LRP1B: variants seen among roughly 807,000 people sequenced by gnomAD.
LRP1B encodes low-density lipoprotein receptor-related protein 1B.
In LRP1B, 217 loss-of-function variants were observed where a neutral mutation model predicts 556.6. That is an observed-to-expected ratio of 0.39 (90% CI 0.35 to 0.44). LRP1B has a LOEUF of 0.44. LRP1B is among the 20% of genes least tolerant of loss of function. LRP1B has a pLI of 1.00. For missense variants in LRP1B, 5,053 were observed against 5,620.8 expected, an observed-to-expected ratio of 0.90 and a Z score of 3.23; for synonymous variants, 2,047 against 1,865.8, an observed-to-expected ratio of 1.10 and a Z score of -2.50.
intron 5 of LRP1B, among the ~76,000 whole-genome samples, chr2:141,230,261 A>C (rs1683409309): frequency 6.6e-6 from 1 of 152,200 alleles, no homozygotes; most frequent in Admixed American, 6.5e-5. Context: ...GAAATCTTTA[A>C]TTCATCTGTA....
At position 140,716,695 on chromosome 2, in the gene LRP1B, A is replaced by T. The variant is rs768108715; in HGVS notation, c.5880T>A (p.Val1960=). 11 of 1,609,920 alleles carry T rather than the reference A, an allele frequency of 6.8e-6. No individual in the cohort carries two copies. In the South Asian group the frequency reaches 1.2e-4, roughly 18 times the overall value. ...CATGGATTATACCAGCAATCCAGTC[A>T]ACAGCTATCCCTTCCACTCTTCCCA... ...NGLGRVEGIA[V]DWIAGNIYWT... The change falls in exon 36 of 91, where the codon GTT becomes GTA. Residue 1960 remains valine, a synonymous_variant. Coordinates refer to ENST00000389484, the MANE Select transcript of LRP1B (RefSeq NM_018557.3).
chr2:140,799,490 T>C (rs1690429724), intron 32 of LRP1B, among the ~76,000 whole-genome samples: 1 of 152,224 alleles, frequency 6.6e-6, no homozygotes, highest in South Asian at 2.1e-4. Flanking sequence ...ACCCAGTTTA[T>C]GGTACTTCGT....
chr2:140,601,424 A>T lies in LRP1B; in HGVS notation c.6989+26T>A, dbSNP rs116405742. ...TTCTTTTGACTTATAACTATAATGA[A>T]GAAATAAAACTACACTGTTTCTTAC... On this transcript the variant is annotated intron_variant, in intron 42 of 90. Transcript: ENST00000389484. The T allele has an allele frequency of 1.1e-3, 1,723 of 1,510,256 alleles. 2 individuals carry two copies. The highest frequency in any genetic ancestry group is 1.4e-3 in the Admixed American group (82 of 56,714). 93.6% of individuals were successfully genotyped at this position (1,510,256 alleles called of 1,614,324 possible).
At chr2:142,053,676 A>G (rs1704553554) in intron 1 of LRP1B, among the ~76,000 whole-genome samples, 1 of 152,144 alleles carries the variant, frequency 6.6e-6, no homozygotes, top group Non-Finnish European at 1.5e-5. Flanking sequence ...GAAAATTCAT[A>G]ATTATGATAA....
chr2:141,247,201 C>A, intron 5 of LRP1B, 25 bp downstream of exon 5: 2 of 1,612,666 alleles, frequency 1.2e-6, no homozygotes, highest in Non-Finnish European at 1.7e-6. Context: ...TCTGGAAAGA[C>A]AAAAAATAAA....
chr2:141,833,135 T>C (rs1041273066), intron 1 of LRP1B, among the ~76,000 whole-genome samples: 12 of 151,742 alleles, frequency 7.9e-5, no homozygotes, highest in African/African-American at 2.7e-4. Context: ...TCTCATGTAA[T>C]TGCAGTTAAA....
intron 1 of LRP1B, among the ~76,000 whole-genome samples, chr2:141,883,648 T>C (rs1007455642): frequency 6.6e-6 from 1 of 152,054 alleles, no homozygotes; most frequent in African/African-American, 2.4e-5. Flanking sequence ...CTCTTGAGCC[T>C]AGGAGATCAA....
chr2:142,040,576 A>G (rs1327994685), intron 1 of LRP1B, among the ~76,000 whole-genome samples: 2 of 151,010 alleles, frequency 1.3e-5, no homozygotes, highest in South Asian at 4.2e-4. Flanking sequence ...TGAAAAGTAC[A>G]CGGTTTTAAA....
At chr2:140,936,076 A>AT (rs1482731701) in intron 20 of LRP1B, among the ~76,000 whole-genome samples, 1 of 151,776 alleles carries the variant, frequency 6.6e-6, no homozygotes, top group Non-Finnish European at 1.5e-5. Context: ...ATGGTGGCTC[A>AT]TGCCTGCAAT....
At chr2:140,778,260 GAC>G (rs1689568413) in intron 32 of LRP1B, among the ~76,000 whole-genome samples, 1 of 152,092 alleles carries the variant, frequency 6.6e-6, no homozygotes, top group African/African-American at 2.4e-5. Flanking sequence ...AAGAATGACT[GAC>G]AGACTATGGC....
intron 1 of LRP1B, among the ~76,000 whole-genome samples, chr2:142,087,927 AT>A (rs1706006575): frequency 1.3e-5 from 2 of 152,100 alleles, no homozygotes; most frequent in South Asian, 2.1e-4. Flanking sequence ...ACATTAATAT[AT>A]TTTTTATCCT....
rs1188245094 is a variant in LRP1B at position 140,442,503 on chromosome 2, C to T, written c.10414+1G>A. On this transcript the variant is annotated splice_donor_variant, in intron 66 of 90. Transcript: ENST00000389484. LOFTEE classifies it high-confidence loss of function. ...TAAGACCCAGAGTCACAGACACTCA[C>T]CGCAGTTGGCCTCGTCTGATGCATC... The T allele has an allele frequency of 6.2e-7, 1 of 1,611,508 alleles. No individual in the cohort carries two copies. The highest frequency in any genetic ancestry group is 8.5e-7 in the Non-Finnish European group (1 of 1,178,932).
At chr2:141,788,096 A>C (rs1255545828) in intron 2 of LRP1B, among the ~76,000 whole-genome samples, 1 of 152,028 alleles carries the variant, frequency 6.6e-6, no homozygotes, top group Non-Finnish European at 1.5e-5. Context: ...CCTTAGACAA[A>C]CACTCTTCAG....
Position 141,391,158 on chromosome 2 carries a change from A to G in LRP1B, c.343+89238T>C, listed in dbSNP as rs557178362. On this transcript the variant is annotated intron_variant, in intron 3 of 90. Coordinates refer to ENST00000389484, the MANE Select transcript of LRP1B (RefSeq NM_018557.3). ...ATTTTAACTTGGATAGTCGTTATAC[A>G]ATGCAGAGGAAAGGACTTACAGCAA... Among the ~76,000 whole-genome samples the G allele has an allele frequency of 9.2e-5, 14 of 152,350 alleles. No individual in the cohort carries two copies. In the South Asian group the frequency reaches 2.7e-3, roughly 29 times the overall value.
At chr2:141,268,592 T>C (rs180900130) in intron 3 of LRP1B, among the ~76,000 whole-genome samples, 1 of 151,978 alleles carries the variant, frequency 6.6e-6, no homozygotes. Context: ...ACCAAAATAA[T>C]GGAAAGCCTC....
At chr2:141,941,161 A>G (rs1014483181) in intron 1 of LRP1B, among the ~76,000 whole-genome samples, 4 of 152,212 alleles carry the variant, frequency 2.6e-5, no homozygotes, top group Non-Finnish European at 5.9e-5. Flanking sequence ...AGGATTCACC[A>G]TTTCAGGACT....
intron 84 of LRP1B, among the ~76,000 whole-genome samples, chr2:140,295,422 C>T (rs1683560293): frequency 6.6e-6 from 1 of 152,108 alleles, no homozygotes; most frequent in Non-Finnish European, 1.5e-5. Context: ...TCCCTCTGTA[C>T]CATCAGAGGC....
chr2:141,982,562 T>C (rs1275889395), intron 1 of LRP1B, among the ~76,000 whole-genome samples: 1 of 152,216 alleles, frequency 6.6e-6, no homozygotes, highest in Admixed American at 6.5e-5. Flanking sequence ...AATTTTGCTC[T>C]ATCTCTGTGA....
At chr2:140,305,369 C>A (rs1334824329) in intron 83 of LRP1B, among the ~76,000 whole-genome samples, 1 of 152,146 alleles carries the variant, frequency 6.6e-6, no homozygotes, top group East Asian at 1.9e-4. Flanking sequence ...AGAGGTTCTT[C>A]ACATCCCTTG....
Sources: gnomAD v4.1 joint callset for allele counts (sites outside exome capture counted in the v4.1 genomes callset) on GRCh38, gnomAD v4.1.1 for gene constraint, MANE v1.5 for transcripts, NCBI Gene and HGNC (gene_info 2026-07-23, HGNC 2026-07-21) for gene names.